The following CAPN13 variants were observed in gnomAD, a reference collection of about 807,000 sequenced individuals.
CAPN13 encodes calpain-13.
Under a neutral mutation model 98.4 loss-of-function variants are expected in CAPN13, and 90 were observed. That is an observed-to-expected ratio of 0.92 (90% CI 0.77 to 1.09). CAPN13 has a LOEUF of 1.09. Among genes scored for constraint, CAPN13 ranks in the 50% least tolerant of loss-of-function variants. The probability of loss-of-function intolerance (pLI) is 0.00; values close to 1 mark genes in which losing one functional copy is unlikely to be tolerated. For missense variants in CAPN13, 887 were observed against 841.3 expected (o/e 1.05, Z -0.67); for synonymous variants, 330 against 305.5 (o/e 1.08, Z -0.84).
At chr2:30,738,156 C>G (rs55799526) in intron 17 of CAPN13, 79 bp downstream of exon 17, 106,359 of 1,496,416 alleles carry the variant, frequency 0.071, 4,429 homozygotes, top group East Asian at 0.15. Context: ...GGGTTCCCTA[C>G]TGTCCTAATT....
chr2:30,748,602 G>C (rs1341957248), intron 11 of CAPN13, among the ~76,000 whole-genome samples: 1 of 152,076 alleles, frequency 6.6e-6, no homozygotes, highest in Non-Finnish European at 1.5e-5. Flanking sequence ...GCAGGCCTGG[G>C]TCACAAGTCT....
intron 1 of CAPN13, among the ~76,000 whole-genome samples, chr2:30,796,345 G>C (rs188575581): frequency 1.3e-5 from 2 of 151,526 alleles, no homozygotes; most frequent in Non-Finnish European, 2.9e-5. Context: ...TGTATATCAC[G>C]TACTATGACA....
At chr2:30,780,074 A>T (rs1673909476) in intron 2 of CAPN13, among the ~76,000 whole-genome samples, 1 of 152,218 alleles carries the variant, frequency 6.6e-6, no homozygotes, top group South Asian at 2.1e-4. Flanking sequence ...CTTGGCTAAC[A>T]TTGACTCATG....
Position 30,785,128 on chromosome 2 carries a change from T to A in CAPN13, c.198+2000A>T, listed in dbSNP as rs530844665. Reference sequence around the variant, plus strand: ...GGCACATGTAGATAGGGTCCTTCATTCATCCATTCACTCATGTACTTGTTC... The same window carrying A: ...GGCACATGTAGATAGGGTCCTTCATACATCCATTCACTCATGTACTTGTTC... On this transcript the variant is annotated intron_variant, in intron 2 of 22. Transcript: ENST00000295055. Among the ~76,000 whole-genome samples the A allele has an allele frequency of 7.7e-4, 117 of 152,332 alleles. 1 individual carries two copies. In the South Asian group the frequency reaches 0.024, roughly 31 times the overall value.
At chr2:30,791,302 A>T (rs1041464475) in intron 1 of CAPN13, among the ~76,000 whole-genome samples, 2 of 152,238 alleles carry the variant, frequency 1.3e-5, no homozygotes, top group African/African-American at 4.8e-5. Context: ...TGTCTTAGAT[A>T]CTGCTGAGCC....
chr2:30,766,583 G>A (rs575773130), intron 5 of CAPN13, among the ~76,000 whole-genome samples: 2 of 152,316 alleles, frequency 1.3e-5, no homozygotes, highest in African/African-American at 2.4e-5. Flanking sequence ...TGTGTTCACC[G>A]CAGCCACCAC....
chr2:30,795,044 A>G (rs1674786173), intron 1 of CAPN13, among the ~76,000 whole-genome samples: 1 of 152,044 alleles, frequency 6.6e-6, no homozygotes, highest in African/African-American at 2.4e-5. Context: ...TGTTTCAAAA[A>G]TTAAATGCTA....
chr2:30,743,752 C>T (rs1244916689), intron 12 of CAPN13, 173 bp from the exon 13 acceptor site: 6 of 709,808 alleles, frequency 8.5e-6, no homozygotes, highest in Non-Finnish European at 1.5e-5. Flanking sequence ...TAGTGTTTAG[C>T]CTGTCATTTC....
chr2:30,789,132 C>A lies in CAPN13; in HGVS notation c.-32-1775G>T, dbSNP rs1572875491. ...AAAATAGGGTTAAAAAGAGGGCCCG[C>A]AACAAATTAAATAGTGATAAAGCTG... On this transcript the variant is annotated intron_variant, in intron 1 of 22. Transcript: ENST00000295055. Among the ~76,000 whole-genome samples, 3 of 152,108 alleles carry A rather than the reference C, an allele frequency of 2.0e-5. No individual in the cohort carries two copies. In the East Asian group the frequency reaches 5.8e-4, roughly 29 times the overall value.
At chr2:30,757,350 G>T (rs1672505939) in intron 8 of CAPN13, among the ~76,000 whole-genome samples, 1 of 152,202 alleles carries the variant, frequency 6.6e-6, no homozygotes, top group African/African-American at 2.4e-5. Flanking sequence ...GCTGGGAAAT[G>T]CCAGCCCAGT....
chr2:30,744,392 G>C (rs1671807599), intron 12 of CAPN13, among the ~76,000 whole-genome samples: 1 of 152,202 alleles, frequency 6.6e-6, no homozygotes, highest in African/African-American at 2.4e-5. Context: ...ACGCGATTCT[G>C]CTGACATTAA....
At chr2:30,762,561 G>A (rs1241143110) in intron 7 of CAPN13, among the ~76,000 whole-genome samples, 2 of 152,180 alleles carry the variant, frequency 1.3e-5, no homozygotes, top group East Asian at 3.9e-4. Flanking sequence ...GGAGATGAGG[G>A]ATCAGAGCAG....
Position 30,743,599 on chromosome 2 carries a change from A to G in CAPN13, c.1249-20T>C, listed in dbSNP as rs780761071. On this transcript the variant is annotated intron_variant, in intron 12 of 22. Transcript: ENST00000295055. Reference sequence around the variant, plus strand: ...GAACCGCTGGAATTAGAGGAAACACAATGATTGTGAGAAAGCCTCCTCTGT... The same window carrying G: ...GAACCGCTGGAATTAGAGGAAACACGATGATTGTGAGAAAGCCTCCTCTGT... 7 of 1,612,864 alleles carry G rather than the reference A, an allele frequency of 4.3e-6. No individual in the cohort carries two copies. Among genetic ancestry groups the G allele is most frequent in the Non-Finnish European group, 5.9e-6 (7 of 1,179,044 alleles).
At chr2:30,742,517 G>A (rs1327481876) in intron 13 of CAPN13, among the ~76,000 whole-genome samples, 158 bp from the exon 14 acceptor site, 9 of 152,198 alleles carry the variant, frequency 5.9e-5, no homozygotes, top group African/African-American at 1.4e-4. Flanking sequence ...CTACAGCACC[G>A]TGGCCACCAG....
Position 30,738,393 on chromosome 2 carries a change from C to G in CAPN13, c.1594+7G>C, listed in dbSNP as rs930080432. The stretch of plus-strand genomic sequence containing the variant: ...ATGGGGCCAGCTTGCCCTTGGGCTG[C>G]TCATACCTGTTAGAAGCTCCTGGTT... On this transcript the variant is annotated splice_region_variant and intron_variant, in intron 16 of 22. Transcript: ENST00000295055. 1 of 1,609,490 alleles carries G rather than the reference C, an allele frequency of 6.2e-7. No homozygotes were observed.
At chr2:30,738,952 G>T (rs1211198997) in intron 15 of CAPN13, among the ~76,000 whole-genome samples, 1 of 152,146 alleles carries the variant, frequency 6.6e-6, no homozygotes, top group East Asian at 1.9e-4. Context: ...TGGGCTAAGA[G>T]AAACTGCTAT....
chr2:30,740,450 C>T (rs979230289), intron 15 of CAPN13, among the ~76,000 whole-genome samples: 4 of 152,184 alleles, frequency 2.6e-5, no homozygotes, highest in African/African-American at 9.6e-5. Context: ...AGAGAGGACA[C>T]AGTGAGTGCA....
chr2:30,788,509 C>A (rs1183277779), intron 1 of CAPN13, among the ~76,000 whole-genome samples: 1 of 152,128 alleles, frequency 6.6e-6, no homozygotes, highest in Non-Finnish European at 1.5e-5. Context: ...AATTGAAAAA[C>A]CTCTCTGGTC....
rs1481077002 is a variant in CAPN13, at chr2:30,731,385, G to C, written c.1942C>G (p.Leu648Val). 5 of 1,610,588 alleles carry C rather than the reference G, an allele frequency of 3.1e-6. No homozygotes were observed. Among genetic ancestry groups the C allele is most frequent in the Non-Finnish European group, 4.2e-6 (5 of 1,178,320 alleles). Residue 648 changes from leucine to valine, a missense_variant, in exon 21 of 23, where the codon CTC becomes GTC. By Grantham distance (32) the Leu-to-Val change is conservative (BLOSUM62 1). Transcript: ENST00000295055. Reference sequence around the variant, plus strand: ...TAGAGTCCTTTTCCATCCTTAGAGAGGTTGCGGAAGGTCTCTAGGATAAAG... The same window carrying C: ...TAGAGTCCTTTTCCATCCTTAGAGACGTTGCGGAAGGTCTCTAGGATAAAG... ...LEAMAKTFRN[L>V]SKDGKGLYLT...
Sources: gnomAD v4.1 joint callset for allele counts (sites outside exome capture counted in the v4.1 genomes callset) on GRCh38, gnomAD v4.1.1 for gene constraint, MANE v1.5 for transcripts, NCBI Gene and HGNC (gene_info 2026-07-23, HGNC 2026-07-21) for gene names.